The following ATPSCKMT variants were observed in gnomAD, a reference collection of about 807,000 sequenced individuals.
ATPSCKMT encodes the protein ATP synthase subunit C lysine N-methyltransferase.
Under a neutral mutation model 24.3 loss-of-function variants are expected in ATPSCKMT, and 24 were observed. That is an observed-to-expected ratio of 0.99 (90% CI 0.71 to 1.39). The LOEUF (loss-of-function observed/expected upper bound fraction) is 1.39. ATPSCKMT is among the 40% of genes most tolerant of loss of function. The pLI is 0.00. For synonymous variants in ATPSCKMT, 95 were observed against 110.5 expected (o/e 0.86, Z 0.88); for missense variants, 311 against 298.4 (o/e 1.04, Z -0.31).
chr5:10,249,629 T>C, intron 1 of ATPSCKMT: 2 of 623,644 alleles, frequency 3.2e-6, no homozygotes, highest in Non-Finnish European at 5.2e-6. Context: ...CTAAGTAGCC[T>C]AGAACAGTCT....
intron 1 of ATPSCKMT, among the ~76,000 whole-genome samples, chr5:10,240,620 A>C (rs1300466107): frequency 6.6e-6 from 1 of 152,184 alleles, no homozygotes; most frequent in Non-Finnish European, 1.5e-5. Context: ...ATGGAGGTAA[A>C]GCACTTAGAA....
rs1743872018 is a variant in ATPSCKMT, at chr5:10,226,249, A to C, written c.*1192T>G. 1 of 152,252 alleles carries C rather than the reference A, an allele frequency of 6.6e-6. No individual in the cohort carries two copies. Among genetic ancestry groups the C allele is most frequent in the Non-Finnish European group, 1.5e-5 (1 of 68,048 alleles). 9.4% of individuals were successfully genotyped at this position (152,252 alleles called of 1,614,324 possible). A position where few individuals can be genotyped will look rare whatever the true frequency, so the allele number is the denominator to read the frequency against. On this transcript the variant is annotated 3_prime_UTR_variant, in exon 5 of 5. Transcript: ENST00000511437. The stretch of plus-strand genomic sequence containing the variant: ...ACCGCAGAATCTCAGAGCTTCTTCT[A>C]CAGTAGATACTGAATACATATTTGT...
At chr5:10,249,157 T>C (rs1412821676) in intron 1 of ATPSCKMT, among the ~76,000 whole-genome samples, 4 of 150,906 alleles carry the variant, frequency 2.7e-5, no homozygotes, top group African/African-American at 4.9e-5. Context: ...TAGTCCCAGC[T>C]GCCTGGGAGG....
At chr5:10,240,980 G>C (rs1386842576) in intron 1 of ATPSCKMT, among the ~76,000 whole-genome samples, 1 of 142,596 alleles carries the variant, frequency 7.0e-6, no homozygotes, top group African/African-American at 2.6e-5. Context: ...TGGGCAACAA[G>C]AGTGAAACTC....
At chr5:10,237,756 T>C (rs1744439333) in intron 2 of ATPSCKMT, among the ~76,000 whole-genome samples, 1 of 151,248 alleles carries the variant, frequency 6.6e-6, no homozygotes, top group Admixed American at 6.6e-5. Context: ...ATATATTTCT[T>C]TTTTTTTTGA....
chr5:10,236,741 A>T, intron 2 of ATPSCKMT, 126 bp from the exon 3 acceptor site: 1 of 1,472,236 alleles, frequency 6.8e-7, no homozygotes. Flanking sequence ...TGACTAAGAC[A>T]TCATTTTAAA....
At chr5:10,245,193 G>A (rs1056840973) in intron 1 of ATPSCKMT, among the ~76,000 whole-genome samples, 3 of 152,114 alleles carry the variant, frequency 2.0e-5, no homozygotes, top group African/African-American at 7.2e-5. Flanking sequence ...GGCTAAGGCG[G>A]GCAGATCATG....
At position 10,247,406 on chromosome 5, in the gene ATPSCKMT, T is replaced by C. The variant is rs146467644; in HGVS notation, c.16+2452A>G. On this transcript the variant is annotated intron_variant, in intron 1 of 4. Coordinates refer to ENST00000511437, the MANE Select transcript of ATPSCKMT (RefSeq NM_199133.4). ...TCCAGGCTGGAGTGCAGTAGCACAATCACAGCTCACCACAGCCTTGACCTC... is the reference window on the plus strand; with the variant it reads ...TCCAGGCTGGAGTGCAGTAGCACAACCACAGCTCACCACAGCCTTGACCTC... Among the ~76,000 whole-genome samples the C allele has an allele frequency of 1.2e-4, 18 of 152,346 alleles. No individual in the cohort carries two copies. The East Asian group carries it at 3.5e-3, about 29-fold the overall frequency.
chr5:10,230,042 C>T (rs564380481), intron 4 of ATPSCKMT, among the ~76,000 whole-genome samples: 2 of 152,260 alleles, frequency 1.3e-5, no homozygotes, highest in South Asian at 4.1e-4. Flanking sequence ...AAGATCTAAG[C>T]AAAAATTATT....
At chr5:10,244,043 T>C (rs1434210041) in intron 1 of ATPSCKMT, among the ~76,000 whole-genome samples, 1 of 152,226 alleles carries the variant, frequency 6.6e-6, no homozygotes. Context: ...GAGCCCATTG[T>C]AGGGTTATTA....
chr5:10,227,359 C>G lies in ATPSCKMT; in HGVS notation c.*82G>C. On this transcript the variant is annotated 3_prime_UTR_variant, in exon 5 of 5. Transcript: ENST00000511437. ...TCATTCCAAACCAAAGACAATTATG[C>G]TCCTTTGCTAAGGACACAGCTGTAA... The G allele has an allele frequency of 7.1e-7, 1 of 1,410,772 alleles. No homozygotes were observed. Among genetic ancestry groups the G allele is most frequent in the Non-Finnish European group, 9.9e-7 (1 of 1,014,668 alleles). 87.4% of individuals were successfully genotyped at this position (1,410,772 alleles called of 1,614,324 possible).
chr5:10,241,580 G>A (rs1314987607), intron 1 of ATPSCKMT, among the ~76,000 whole-genome samples: 3 of 152,192 alleles, frequency 2.0e-5, no homozygotes, highest in East Asian at 1.9e-4. Context: ...TCGGCGGAGG[G>A]GGCGGTGGGA....
chr5:10,240,022 C>G (rs563923027), intron 1 of ATPSCKMT, among the ~76,000 whole-genome samples: 1 of 150,416 alleles, frequency 6.6e-6, no homozygotes, highest in Admixed American at 6.6e-5. Flanking sequence ...GTCAGGACAT[C>G]GAGACCATCC....
intron 2 of ATPSCKMT, 118 bp from the exon 3 acceptor site, chr5:10,236,733 A>T: frequency 6.7e-7 from 1 of 1,486,146 alleles, no homozygotes; most frequent in Non-Finnish European, 9.0e-7. Flanking sequence ...ACCTCCCGTG[A>T]CTAAGACATC....
rs1029199243 is a variant in ATPSCKMT at position 10,227,535 on chromosome 5, A to G, written c.608T>C (p.Ile203Thr). The change falls in exon 5 of 5, where the codon ATA becomes ACA. Residue 203 changes from isoleucine to threonine, a missense_variant. By Grantham distance (89) the Ile-to-Thr change is moderately conservative. Transcript: ENST00000511437. The part of the protein sequence containing the change: ...WTPDHVTGEG[I>T]DTVWAYDAST... ...TGCATCATATGCCCACACTGTGTCT[A>G]TCCCCTCCCCCGTGACGTGGTCTGG... 1.2e-6 allele frequency: 2 copies of G among 1,614,134 alleles called. No homozygotes were observed. The highest frequency in any genetic ancestry group is 8.5e-7 in the Non-Finnish European group (1 of 1,180,026).
At position 10,227,239 on chromosome 5, in the gene ATPSCKMT, A is replaced by G; in HGVS notation, c.*202T>C. On this transcript the variant is annotated 3_prime_UTR_variant, in exon 5 of 5. Transcript: ENST00000511437. ...AGGTGCATGGAAAGGCAGTAAGTAC[A>G]ATTTTTAAGAAAATAGCATCAAAAG... The G allele has an allele frequency of 1.7e-6, 1 of 593,904 alleles. No individual in the cohort carries two copies. 36.8% of individuals were successfully genotyped at this position (593,904 alleles called of 1,614,324 possible).
At chr5:10,238,730 T>C (rs1744487966) in intron 2 of ATPSCKMT, among the ~76,000 whole-genome samples, 1 of 152,112 alleles carries the variant, frequency 6.6e-6, no homozygotes, top group South Asian at 2.1e-4. Flanking sequence ...GGGGCAAAAA[T>C]GTAAAGGAGT....
intron 1 of ATPSCKMT, among the ~76,000 whole-genome samples, chr5:10,246,354 G>A (rs573062329): frequency 1.3e-5 from 2 of 151,876 alleles, no homozygotes; most frequent in Admixed American, 6.6e-5. Context: ...AGAATCACCT[G>A]AACCGGGGAG....
intron 4 of ATPSCKMT, among the ~76,000 whole-genome samples, chr5:10,228,247 G>T (rs958751717): frequency 6.6e-6 from 1 of 151,926 alleles, no homozygotes; most frequent in Non-Finnish European, 1.5e-5. Context: ...CAATAGCAAT[G>T]GTGCATCCTA....
Sources: gnomAD v4.1 joint callset for allele counts (sites outside exome capture counted in the v4.1 genomes callset) on GRCh38, gnomAD v4.1.1 for gene constraint, MANE v1.5 for transcripts, NCBI Gene and HGNC (gene_info 2026-07-23, HGNC 2026-07-21) for gene names.